The following SFMBT2 variants were observed in gnomAD, a reference collection of about 807,000 sequenced individuals.
SFMBT2 encodes Scm like with four mbt domains 2.
SFMBT2 carries 38 observed loss-of-function variants against 110.1 expected under a neutral mutation model. The observed-to-expected ratio is 0.35, with a 90% CI of 0.27 to 0.45. The LOEUF (loss-of-function observed/expected upper bound fraction) is 0.45. Among genes scored for constraint, SFMBT2 ranks in the 20% least tolerant of loss-of-function variants. The probability of loss-of-function intolerance (pLI) is 1.00; values close to 1 mark genes in which losing one functional copy is unlikely to be tolerated. For synonymous variants in SFMBT2, 425 were observed against 425.4 expected, an observed-to-expected ratio of 1.00 and a Z score of 0.01; for missense variants, 1,011 against 1,094.9, an observed-to-expected ratio of 0.92 and a Z score of 1.08.
intron 4 of SFMBT2, among the ~76,000 whole-genome samples, chr10:7,363,343 T>C (rs1844784900): frequency 6.6e-6 from 1 of 152,080 alleles, no homozygotes; most frequent in South Asian, 2.1e-4. Context: ...TGTGACTCCA[T>C]TAAACCTCCT....
intron 4 of SFMBT2, among the ~76,000 whole-genome samples, chr10:7,335,214 G>A (rs1843680750): frequency 6.6e-6 from 1 of 152,166 alleles, no homozygotes; most frequent in African/African-American, 2.4e-5. Context: ...TCCGGCCCAT[G>A]GTGATGGCTG....
intron 2 of SFMBT2, among the ~76,000 whole-genome samples, chr10:7,371,694 C>T (rs1161466921): frequency 2.6e-5 from 4 of 152,090 alleles, no homozygotes; most frequent in African/African-American, 9.7e-5. Flanking sequence ...ACGAGAGTTC[C>T]AAAAGTTTAG....
intron 11 of SFMBT2, among the ~76,000 whole-genome samples, chr10:7,209,600 C>T (rs545420763): frequency 2.6e-5 from 4 of 152,214 alleles, no homozygotes; most frequent in African/African-American, 7.2e-5. Flanking sequence ...GATGCACTGC[C>T]GAGTATAAAA....
At position 7,172,206 on chromosome 10, in the gene SFMBT2, G is replaced by A. The variant is rs1382449757; in HGVS notation, c.2152-48C>T. On this transcript the variant is annotated intron_variant, in intron 18 of 20. Transcript: ENST00000397167. This position sits in a 1 kb window ranked among gnomAD's most constrained non-coding sequence, Gnocchi z 4.6. Reference sequence around the variant, plus strand: ...TAAGGGGCTGGTGGCCCGGGGGCCTGTAGCGGTGGCCCCGCGGTCAGACCC... The same window carrying A: ...TAAGGGGCTGGTGGCCCGGGGGCCTATAGCGGTGGCCCCGCGGTCAGACCC... 1.3e-5 allele frequency: 19 copies of A among 1,513,394 alleles called. No individual in the cohort carries two copies. Among genetic ancestry groups the A allele is most frequent in the Admixed American group, 4.4e-5 (2 of 44,988 alleles). The allele number at this position is 1,513,394 out of a possible 1,614,324, so 93.7% of individuals were successfully genotyped here.
intron 11 of SFMBT2, among the ~76,000 whole-genome samples, chr10:7,218,797 T>C (rs915445995): frequency 4.0e-4 from 61 of 152,130 alleles, no homozygotes; most frequent in Admixed American, 2.0e-4. Flanking sequence ...AGCCGTAGGG[T>C]CTGGGGAATT....
At chr10:7,312,600 A>G (rs748948723) in intron 4 of SFMBT2, among the ~76,000 whole-genome samples, 3 of 152,208 alleles carry the variant, frequency 2.0e-5, no homozygotes, top group Admixed American at 6.5e-5. Flanking sequence ...TTTGAACTGC[A>G]CATAGTCACA....
chr10:7,247,008 A>G (rs1262229831), intron 8 of SFMBT2, among the ~76,000 whole-genome samples: 1 of 152,246 alleles, frequency 6.6e-6, no homozygotes, highest in South Asian at 2.1e-4. Flanking sequence ...AAGGTTTTTA[A>G]CGGATGCTAA....
At chr10:7,385,938 T>C (rs145631149) in intron 1 of SFMBT2, among the ~76,000 whole-genome samples, 1,818 of 152,140 alleles carry the variant, frequency 0.012, 16 homozygotes, top group African/African-American at 0.024. Context: ...AGGCAGAGCT[T>C]GCAGTGAGCC....
chr10:7,279,477 C>A (rs1841881977), intron 6 of SFMBT2, among the ~76,000 whole-genome samples: 1 of 152,200 alleles, frequency 6.6e-6, no homozygotes, highest in African/African-American at 2.4e-5. Flanking sequence ...GACAGCCTGA[C>A]ACAACCAGCA....
intron 9 of SFMBT2, among the ~76,000 whole-genome samples, chr10:7,233,070 ACTC>A (rs1242444903): frequency 1.3e-5 from 2 of 152,046 alleles, no homozygotes; most frequent in Non-Finnish European, 2.9e-5. Flanking sequence ...AGGAATAAAA[ACTC>A]CTCTTCTATC....
At chr10:7,180,677 C>A (rs1838218454) in intron 16 of SFMBT2, among the ~76,000 whole-genome samples, 1 of 152,104 alleles carries the variant, frequency 6.6e-6, no homozygotes, top group Non-Finnish European at 1.5e-5. Context: ...AAGGGCCCTC[C>A]TTGATGAAAC....
intron 4 of SFMBT2, among the ~76,000 whole-genome samples, chr10:7,287,647 C>T (rs998323233): frequency 3.9e-5 from 6 of 152,200 alleles, no homozygotes; most frequent in South Asian, 2.1e-4. Flanking sequence ...GTGGGCAGCC[C>T]GGGCTCCACC....
intron 11 of SFMBT2, among the ~76,000 whole-genome samples, chr10:7,220,019 G>T (rs547384037): frequency 1.3e-5 from 2 of 152,256 alleles, no homozygotes; most frequent in East Asian, 3.9e-4. Context: ...AACTACGAAA[G>T]AAATCAAAGT....
chr10:7,247,965 T>C (rs1483418516), intron 8 of SFMBT2, among the ~76,000 whole-genome samples: 1 of 152,128 alleles, frequency 6.6e-6, no homozygotes, highest in Non-Finnish European at 1.5e-5. Flanking sequence ...CCTTCCACCT[T>C]GGCCTCCCAA....
At chr10:7,307,024 T>G (rs1364882221) in intron 4 of SFMBT2, among the ~76,000 whole-genome samples, 1 of 152,180 alleles carries the variant, frequency 6.6e-6, no homozygotes, top group Non-Finnish European at 1.5e-5. Flanking sequence ...GTCCTTTAAG[T>G]CTCACTATTG....
At chr10:7,309,256 C>T (rs1379229904) in intron 4 of SFMBT2, among the ~76,000 whole-genome samples, 3 of 152,198 alleles carry the variant, frequency 2.0e-5, no homozygotes, top group African/African-American at 4.8e-5. Flanking sequence ...AGCAAGACGT[C>T]GGTCTTTGTC....
intron 4 of SFMBT2, among the ~76,000 whole-genome samples, chr10:7,354,263 T>C (rs1433601552): frequency 6.6e-6 from 1 of 152,192 alleles, no homozygotes; most frequent in Non-Finnish European, 1.5e-5. Flanking sequence ...TTCAACTTTT[T>C]AAAAAATTTC....
At chr10:7,404,134 T>TA (rs1445983301) in intron 1 of SFMBT2, among the ~76,000 whole-genome samples, 5 of 152,204 alleles carry the variant, frequency 3.3e-5, no homozygotes, top group African/African-American at 1.2e-4. Flanking sequence ...ATTTTTAAAA[T>TA]AAAGAGTATT....
rs1271595930 is a variant in SFMBT2 at position 7,197,057 on chromosome 10, C to T, written c.1698+491G>A. 3.3e-5 allele frequency among the ~76,000 whole-genome samples: 5 copies of T among 152,212 alleles called. No individual in the cohort carries two copies. In the East Asian group the frequency reaches 5.8e-4, roughly 18 times the overall value. ...AGACCATTGAAATACTTACCATTAC[C>T]TCCCGTGTGCAGGTACCAGGTGCTC... On this transcript the variant is annotated intron_variant, in intron 15 of 20. Transcript: ENST00000397167.
Sources: allele counts gnomAD v4.1 joint callset (sites outside exome capture counted in the v4.1 genomes callset), GRCh38; gene constraint gnomAD v4.1.1; non-coding constraint Gnocchi (gnomAD v3.1); transcripts MANE v1.5; gene names NCBI Gene and HGNC (gene_info 2026-07-23, HGNC 2026-07-21).